Variants in ZC3H3 observed in about 807,000 individuals in gnomAD.
The protein encoded by ZC3H3 is zinc finger CCCH-type containing 3.
Under a neutral mutation model 77.3 loss-of-function variants are expected in ZC3H3, and 36 were observed. That is an observed-to-expected ratio of 0.47 (90% CI 0.36 to 0.61). The LOEUF (loss-of-function observed/expected upper bound fraction) is 0.61. Among genes scored for constraint, ZC3H3 ranks in the 20% least tolerant of loss-of-function variants. The pLI is 0.00. For synonymous variants in ZC3H3, 626 were observed against 555.2 expected, an observed-to-expected ratio of 1.13 and a Z score of -1.79; for missense variants, 1,331 against 1,312.2, an observed-to-expected ratio of 1.01 and a Z score of -0.22.
At chr8:143,516,525 T>TCA (rs57359541) in intron 3 of ZC3H3, among the ~76,000 whole-genome samples, 10,382 of 139,876 alleles carry the variant, frequency 0.074, 405 homozygotes, top group Non-Finnish European at 0.1. Context: ...AACTTTGCAA[T>TCA]CACACACACA....
intron 10 of ZC3H3, 136 bp downstream of exon 10, chr8:143,440,800 T>G: frequency 5.8e-6 from 6 of 1,035,680 alleles, no homozygotes; most frequent in Non-Finnish European, 7.6e-6. Flanking sequence ...TCCCCAGCCT[T>G]GGATAGGGAT....
chr8:143,484,602 A>G (rs981130585), intron 4 of ZC3H3: 1 of 161,230 alleles, frequency 6.2e-6, no homozygotes, highest in African/African-American at 2.4e-5. Flanking sequence ...ATGGCCCCGG[A>G]GTGCCGAGTT....
rs1394277544 is a variant in ZC3H3 at position 143,538,221 on chromosome 8, G to A, written c.1146C>T (p.Ser382=). 1 of 1,613,028 alleles carries A rather than the reference G, an allele frequency of 6.2e-7. No individual in the cohort carries two copies. The highest frequency in any genetic ancestry group is 1.7e-5 in the Admixed American group (1 of 60,036). The change falls in exon 2 of 12, where the codon TCC becomes TCT. Residue 382 remains serine (S), a synonymous_variant. Coordinates refer to ENST00000262577, the MANE Select transcript of ZC3H3 (RefSeq NM_015117.3). ...SAPSKYKWKA[S]SPSASSSSSF... ...AGGAAGAGGAGGAGGCAGAGGGGCT[G>A]GAGGCCTTCCACTTGTACTTGCTGG...
At chr8:143,531,608 T>C (rs1586965213) in intron 3 of ZC3H3, among the ~76,000 whole-genome samples, 2 of 152,260 alleles carry the variant, frequency 1.3e-5, no homozygotes, top group Non-Finnish European at 2.9e-5. Context: ...TGTGGCACTT[T>C]ACACCTCCAG....
rs116566390 is a variant in ZC3H3 at position 143,462,382 on chromosome 8, C to T, written c.2307+3335G>A. Among the ~76,000 whole-genome samples the T allele has an allele frequency of 0.016, 2,392 of 152,294 alleles. 61 individuals are homozygous for T. The highest frequency in any genetic ancestry group is 0.053 in the African/African-American group (2,213 of 41,564). On this transcript the variant is annotated intron_variant, in intron 9 of 11. Coordinates refer to ENST00000262577, the MANE Select transcript of ZC3H3 (RefSeq NM_015117.3). This position sits in a 1 kb window ranked among gnomAD's most constrained non-coding sequence, Gnocchi z 4.7. The stretch of plus-strand genomic sequence containing the variant: ...TAAACAAGACCCCGAGCACAAATCA[C>T]AGGGCAAAGGATGTCAGGACCTTGC...
At chr8:143,480,747 G>C (rs939067945) in intron 4 of ZC3H3, among the ~76,000 whole-genome samples, 1 of 152,352 alleles carries the variant, frequency 6.6e-6, no homozygotes, top group Admixed American at 6.5e-5. Flanking sequence ...CACTGCCTGC[G>C]GTGTCTCCGT....
In ZC3H3 at chr8:143,441,745, G is replaced by A. The variant is rs73717571; in HGVS notation, c.2308-625C>T. 4.6e-5 allele frequency among the ~76,000 whole-genome samples: 7 copies of A among 152,284 alleles called. No individual in the cohort carries two copies. In the East Asian group the frequency reaches 1.2e-3, roughly 25 times the overall value. On this transcript the variant is annotated intron_variant, in intron 9 of 11. Transcript: ENST00000262577. ...CACAAAGAGGCTGCCCAAGGCCCCA[G>A]CGGCCCAGCCTGGCCTGTGGTGCAG...
chr8:143,478,612 A>C (rs549664376), intron 4 of ZC3H3, among the ~76,000 whole-genome samples: 1 of 152,084 alleles, frequency 6.6e-6, no homozygotes, highest in South Asian at 2.1e-4. Context: ...CGGGTTCAAG[A>C]GGTTCTCCTG....
intron 3 of ZC3H3, among the ~76,000 whole-genome samples, chr8:143,523,181 G>A (rs896234200): frequency 1.1e-4 from 17 of 152,268 alleles, no homozygotes; most frequent in South Asian, 4.1e-4. Context: ...CTACTCCCTC[G>A]TCAACCAGCA....
At chr8:143,529,273 G>A (rs1028552910) in intron 3 of ZC3H3, among the ~76,000 whole-genome samples, 2 of 152,218 alleles carry the variant, frequency 1.3e-5, no homozygotes, top group East Asian at 3.9e-4. Flanking sequence ...GGACAGAGGG[G>A]TAGGGGGCCA....
intron 5 of ZC3H3, among the ~76,000 whole-genome samples, chr8:143,471,155 G>C (rs1305707680): frequency 2.6e-5 from 4 of 152,354 alleles, no homozygotes; most frequent in Non-Finnish European, 5.9e-5. Flanking sequence ...CACGCAGGCA[G>C]CCCCAATTCC....
intron 3 of ZC3H3, among the ~76,000 whole-genome samples, chr8:143,529,787 G>T (rs1233314332): frequency 6.6e-6 from 1 of 152,182 alleles, no homozygotes; most frequent in African/African-American, 2.4e-5. Flanking sequence ...CTGGTGGCAG[G>T]GAGGGGCTGA....
chr8:143,439,812 A>G (rs1475310994), intron 11 of ZC3H3, among the ~76,000 whole-genome samples: 2 of 148,532 alleles, frequency 1.3e-5, no homozygotes, highest in Admixed American at 6.6e-5. Context: ...GAGCCCGGCC[A>G]TGCTGCCTAC....
intron 9 of ZC3H3, among the ~76,000 whole-genome samples, chr8:143,465,410 G>C (rs1196417860): frequency 1.3e-5 from 2 of 152,206 alleles, no homozygotes; most frequent in East Asian, 3.8e-4. Context: ...CCCAGGAGCT[G>C]CTCCGGCCCA....
chr8:143,457,175 T>TA (rs1563838059), intron 9 of ZC3H3, among the ~76,000 whole-genome samples: 1 of 152,186 alleles, frequency 6.6e-6, no homozygotes, highest in East Asian at 1.9e-4. Context: ...TATACCAAGA[T>TA]AGACTATATC....
At chr8:143,491,666 G>A (rs540123101) in intron 4 of ZC3H3, among the ~76,000 whole-genome samples, 3 of 152,360 alleles carry the variant, frequency 2.0e-5, no homozygotes, top group African/African-American at 7.2e-5. Context: ...GGACTCACGG[G>A]TCCCTCTGCC....
rs1290143417 is a variant in ZC3H3, at chr8:143,533,309, G to C, written c.1561+2948C>G. Among the ~76,000 whole-genome samples the C allele has an allele frequency of 6.6e-6, 1 of 152,136 alleles. No homozygotes were observed. Among genetic ancestry groups the C allele is most frequent in the South Asian group, 2.1e-4 (1 of 4,824 alleles). On this transcript the variant is annotated intron_variant, in intron 3 of 11. Coordinates refer to ENST00000262577, the MANE Select transcript of ZC3H3 (RefSeq NM_015117.3). This position sits in a 1 kb window ranked among gnomAD's most constrained non-coding sequence, Gnocchi z 4.0. ...TTCCCACCTCCACCTCGGCCTCAGA[G>C]CTGAGCCCTATTCGCTCCTCTCTGC...
chr8:143,483,503 G>A (rs901979148), intron 4 of ZC3H3, among the ~76,000 whole-genome samples: 1 of 152,182 alleles, frequency 6.6e-6, no homozygotes, highest in African/African-American at 2.4e-5. Flanking sequence ...GGAAGACAGA[G>A]TCCCTCATGG....
Position 143,493,277 on chromosome 8 carries a change from G to A in ZC3H3, c.1715+14469C>T, listed in dbSNP as rs1432246002. Among the ~76,000 whole-genome samples the A allele has an allele frequency of 6.6e-6, 1 of 152,178 alleles. No individual in the cohort carries two copies. The highest frequency in any genetic ancestry group is 6.5e-5 in the Admixed American group (1 of 15,286). On this transcript the variant is annotated intron_variant, in intron 4 of 11. Coordinates refer to ENST00000262577, the MANE Select transcript of ZC3H3 (RefSeq NM_015117.3). The surrounding 1 kb of genome is among the most constrained non-coding windows in gnomAD (Gnocchi z 4.8). ...TCTGCCCTGCCTGCCAGCAAGGGCT[G>A]GGGTCTAAGATCTCCAGGAAAAAGT...
Sources: gnomAD v4.1 joint callset for allele counts (sites outside exome capture counted in the v4.1 genomes callset) on GRCh38, gnomAD v4.1.1 for gene constraint, Gnocchi (gnomAD v3.1) non-coding constraint, MANE v1.5 for transcripts, NCBI Gene and HGNC (gene_info 2026-07-23, HGNC 2026-07-21) for gene names.